The following ITPR2 variants were observed in gnomAD, a reference collection of about 807,000 sequenced individuals.
The protein encoded by ITPR2 is inositol 1,4,5-trisphosphate-gated calcium channel ITPR2.
ITPR2 carries 207 observed loss-of-function variants against 317.1 expected under a neutral mutation model. The ratio of observed to expected loss-of-function variants is 0.65; its 90% CI spans 0.58 to 0.73. ITPR2 has a LOEUF of 0.73. ITPR2 is among the 30% of genes least tolerant of loss of function. The pLI is 0.00. For synonymous variants in ITPR2, 1,156 were observed against 1,149.1 expected, an observed-to-expected ratio of 1.01 and a Z score of -0.12; for missense variants, 2,613 against 3,284.0, an observed-to-expected ratio of 0.80 and a Z score of 4.99.
chr12:26,366,578 G>A (rs1939018474), intron 55 of ITPR2, among the ~76,000 whole-genome samples: 1 of 152,142 alleles, frequency 6.6e-6, no homozygotes, highest in South Asian at 2.1e-4. Context: ...AGACTAAAGA[G>A]AATGTAAGTT....
At chr12:26,811,108 A>T (rs999275353) in intron 1 of ITPR2, among the ~76,000 whole-genome samples, 4 of 151,906 alleles carry the variant, frequency 2.6e-5, no homozygotes, top group African/African-American at 9.7e-5. Flanking sequence ...AGACCTGCTG[A>T]ATTGTAGTCA....
chr12:26,572,158 T>G (rs1945178162), intron 34 of ITPR2, among the ~76,000 whole-genome samples: 1 of 152,146 alleles, frequency 6.6e-6, no homozygotes, highest in Non-Finnish European at 1.5e-5. Flanking sequence ...CTGTGTGTTT[T>G]TAAAGAATTG....
intron 5 of ITPR2, among the ~76,000 whole-genome samples, chr12:26,718,518 A>T (rs865868403): frequency 4.0e-5 from 6 of 149,528 alleles, no homozygotes; most frequent in African/African-American, 1.5e-4. Flanking sequence ...TATATATATA[A>T]GGTTTTAAAT....
chr12:26,520,262 T>C (rs550666898), intron 37 of ITPR2, among the ~76,000 whole-genome samples: 107 of 152,300 alleles, frequency 7.0e-4, no homozygotes, highest in South Asian at 1.2e-3. Flanking sequence ...TGGCTACATC[T>C]AGGATAGGCT....
chr12:26,758,356 C>T (rs4436638), intron 2 of ITPR2, among the ~76,000 whole-genome samples: 60,541 of 152,074 alleles, frequency 0.4, 13,595 homozygotes, highest in Non-Finnish European at 0.53. Context: ...TTAATGTTCA[C>T]TCATTTCCCC....
chr12:26,480,243 T>C (rs1591817886), intron 43 of ITPR2, among the ~76,000 whole-genome samples: 1 of 152,196 alleles, frequency 6.6e-6, no homozygotes, highest in East Asian at 1.9e-4. Flanking sequence ...CTTTATATAA[T>C]TTAGTGTGTA....
At position 26,622,326 on chromosome 12, in the gene ITPR2, C is replaced by T. The variant is rs755662363; in HGVS notation, c.3202G>A (p.Asp1068Asn). 4 of 1,613,960 alleles carry T rather than the reference C, an allele frequency of 2.5e-6. No individual in the cohort carries two copies. Among genetic ancestry groups the T allele is most frequent in the Non-Finnish European group, 2.5e-6 (3 of 1,179,916 alleles). The change falls in exon 25 of 57, where the codon GAC (aspartate) becomes AAC (asparagine). Residue 1068 changes from aspartate (D) to asparagine (N), a missense_variant. By Grantham distance (23) the Asp-to-Asn change is conservative. This residue lies in a region of ITPR2 where 817 missense variants were observed against 897.6 expected (regional missense o/e 0.91). Transcript: ENST00000381340. ...GCTCCAGACAGCAAAGGCGGGTAGT[C>T]GTGCATGATCAGATGAATGAGGACC... ...LRVLIHLIMH[D>N]YPPLLSGALQ...
At chr12:26,350,421 G>A (rs973188289) in intron 55 of ITPR2, among the ~76,000 whole-genome samples, 4 of 151,990 alleles carry the variant, frequency 2.6e-5, no homozygotes, top group African/African-American at 9.7e-5. Context: ...GTATGTACTA[G>A]CCCTCATCTG....
chr12:26,469,516 C>T (rs2136806566), intron 45 of ITPR2, among the ~76,000 whole-genome samples: 1 of 152,246 alleles, frequency 6.6e-6, no homozygotes, highest in South Asian at 2.1e-4. Context: ...TCCAGATCAA[C>T]CAATCTCTAA....
chr12:26,542,104 G>T (rs181891955), intron 37 of ITPR2, among the ~76,000 whole-genome samples: 1 of 152,244 alleles, frequency 6.6e-6, no homozygotes, highest in East Asian at 1.9e-4. Context: ...TCAACAAGGG[G>T]CTATCTCCAG....
rs554766847 is a variant in ITPR2, at chr12:26,624,331, A to G, written c.3090T>C (p.Ile1030=). ...PSAIVPDIDE[I]AAQAETMFAG... ...CAAACATAGTTTCTGCCTGAGCTGCAATTTCATCTATATCAGGAACAATAG... is the reference window on the plus strand; with the variant it reads ...CAAACATAGTTTCTGCCTGAGCTGCGATTTCATCTATATCAGGAACAATAG... The change falls in exon 24 of 57, where the codon ATT becomes ATC. Residue 1030 remains isoleucine (I), a synonymous_variant. Coordinates refer to ENST00000381340, the MANE Select transcript of ITPR2 (RefSeq NM_002223.4). 1.9e-6 allele frequency: 3 copies of G among 1,610,234 alleles called. No homozygotes were observed. The highest frequency in any genetic ancestry group is 1.7e-4 in the Middle Eastern group (1 of 6,048).
In ITPR2 at chr12:26,483,834, A is replaced by G; in HGVS notation, c.5876T>C (p.Leu1959Pro). The change falls in exon 42 of 57, where the codon CTG (leucine) becomes CCG (proline). Residue 1959 changes from leucine (L) to proline (P), a missense_variant. Coordinates refer to ENST00000381340, the MANE Select transcript of ITPR2 (RefSeq NM_002223.4). ...GGTTGTACTTCCACAAATGCAGTCC[A>G]GAAACTGAAGGGTCTCACAGACTAG... ...YNLVCETLQF[L>P]DCICGSTTGG... is the part of the protein sequence containing the mutation. The G allele has an allele frequency of 6.2e-7, 1 of 1,614,242 alleles. No individual in the cohort carries two copies. Among genetic ancestry groups the G allele is most frequent in the South Asian group, 1.1e-5 (1 of 91,092 alleles).
In ITPR2 at chr12:26,601,233, T is replaced by C. The variant is rs998622141; in HGVS notation, c.3679-1124A>G. 5.9e-5 allele frequency among the ~76,000 whole-genome samples: 9 copies of C among 152,316 alleles called. No homozygotes were observed. The South Asian group carries it at 8.3e-4, about 14-fold the overall frequency. On this transcript the variant is annotated intron_variant, in intron 28 of 56. Coordinates refer to ENST00000381340, the MANE Select transcript of ITPR2 (RefSeq NM_002223.4). ...TCAGATGGACTCATGTTTTCAGTGG[T>C]ATTTTATATTAATATTAAATAAATT...
At position 26,657,884 on chromosome 12, in the gene ITPR2, G is replaced by C. The variant is rs763061947; in HGVS notation, c.2015C>G (p.Ser672Ter). The change falls in exon 18 of 57, where the codon TCA becomes TGA. Residue 672 changes from serine (S) to a stop codon, truncating the protein, a stop_gained. Coordinates refer to ENST00000381340, the MANE Select transcript of ITPR2 (RefSeq NM_002223.4). LOFTEE classifies it high-confidence loss of function. ...ADILIQTKVV[S>*]MQADNPMESS... is the part of the protein sequence containing the mutation. ...CTCCATGGGGTTGTCTGCTTGCATTGAGACCACCCTTCAAATAAATAGCAC... is the reference window on the plus strand; with the variant it reads ...CTCCATGGGGTTGTCTGCTTGCATTCAGACCACCCTTCAAATAAATAGCAC... The C allele has an allele frequency of 1.2e-6, 2 of 1,613,198 alleles. No homozygotes were observed. Among genetic ancestry groups the C allele is most frequent in the Admixed American group, 1.7e-5 (1 of 59,936 alleles).
At chr12:26,348,437 G>A (rs1248888171) in intron 55 of ITPR2, among the ~76,000 whole-genome samples, 1 of 152,188 alleles carries the variant, frequency 6.6e-6, no homozygotes, top group Non-Finnish European at 1.5e-5. Flanking sequence ...GGCCTTGAGG[G>A]CAGATTAGGC....
At chr12:26,401,921 C>T (rs938876470) in intron 52 of ITPR2, among the ~76,000 whole-genome samples, 2 of 152,178 alleles carry the variant, frequency 1.3e-5, no homozygotes, top group Admixed American at 1.3e-4. Flanking sequence ...GGTGCAAGTG[C>T]AAAATGCAGC....
chr12:26,711,432 T>C (rs898615959), intron 8 of ITPR2, among the ~76,000 whole-genome samples, 164 bp from the exon 9 acceptor site: 1 of 152,200 alleles, frequency 6.6e-6, no homozygotes, highest in East Asian at 1.9e-4. Context: ...TCCCCATAAA[T>C]GAGCAAGAGA....
At chr12:26,664,878 C>T (rs577469156) in intron 14 of ITPR2, among the ~76,000 whole-genome samples, 25 of 152,216 alleles carry the variant, frequency 1.6e-4, no homozygotes, top group Middle Eastern at 3.4e-3. Flanking sequence ...TATTTTCAGA[C>T]AATCAGCTAC....
At chr12:26,403,079 G>C (rs1007771017) in intron 52 of ITPR2, among the ~76,000 whole-genome samples, 4 of 152,184 alleles carry the variant, frequency 2.6e-5, no homozygotes, top group African/African-American at 9.7e-5. Context: ...TATCCTGAAG[G>C]GGGTATCACC....
Sources: allele counts gnomAD v4.1 joint callset (sites outside exome capture counted in the v4.1 genomes callset), GRCh38; gene constraint gnomAD v4.1.1; regional missense constraint gnomAD v4.1.1; transcripts MANE v1.5; gene names NCBI Gene and HGNC (gene_info 2026-07-23, HGNC 2026-07-21).